ELOVL4: variants seen among roughly 807,000 people sequenced by gnomAD.
ELOVL4 encodes very long chain fatty acid elongase 4.
In ELOVL4, 18 loss-of-function variants were observed where a neutral mutation model predicts 42.1. That is an observed-to-expected ratio of 0.43 (90% CI 0.30 to 0.63). The LOEUF (loss-of-function observed/expected upper bound fraction) is 0.63. Among genes scored for constraint, ELOVL4 ranks in the 30% least tolerant of loss-of-function variants. The pLI is 0.15. For missense variants in ELOVL4, 299 were observed against 376.2 expected (o/e 0.79, Z 1.70); for synonymous variants, 117 against 127.0 (o/e 0.92, Z 0.53).
intron 1 of ELOVL4, among the ~76,000 whole-genome samples, chr6:79,928,269 A>C (rs1582049096): frequency 6.6e-6 from 1 of 152,168 alleles, no homozygotes; most frequent in South Asian, 2.1e-4. Flanking sequence ...TTATACAAAG[A>C]GCAAAAGTAC....
intron 1 of ELOVL4, among the ~76,000 whole-genome samples, chr6:79,931,721 G>C (rs1774448463): frequency 6.6e-6 from 1 of 152,038 alleles, no homozygotes; most frequent in Non-Finnish European, 1.5e-5. Flanking sequence ...AAGAGAAAGA[G>C]GCCTCAGCAA....
At chr6:79,938,545 T>G (rs752870154) in intron 1 of ELOVL4, among the ~76,000 whole-genome samples, 1 of 152,244 alleles carries the variant, frequency 6.6e-6, no homozygotes. Context: ...ATAATTCACT[T>G]TGAATACACT....
chr6:79,937,635 A>G (rs917490031), intron 1 of ELOVL4, among the ~76,000 whole-genome samples: 1 of 152,138 alleles, frequency 6.6e-6, no homozygotes, highest in Non-Finnish European at 1.5e-5. Flanking sequence ...CATCCAATAA[A>G]TGTTCACTAT....
intron 1 of ELOVL4, among the ~76,000 whole-genome samples, chr6:79,937,126 G>A (rs1253116007): frequency 1.3e-5 from 2 of 152,108 alleles, no homozygotes; most frequent in Non-Finnish European, 2.9e-5. Context: ...GTGAAAGAGG[G>A]GAAAGCTGCA....
intron 1 of ELOVL4, among the ~76,000 whole-genome samples, chr6:79,943,022 T>TG (rs1285616663): frequency 6.6e-6 from 1 of 151,918 alleles, no homozygotes; most frequent in East Asian, 1.9e-4. Flanking sequence ...TCTTTTTTTT[T>TG]TTTAATTAGC....
At chr6:79,926,883 A>AACC (rs560555511) in intron 1 of ELOVL4, among the ~76,000 whole-genome samples, 60 of 152,328 alleles carry the variant, frequency 3.9e-4, no homozygotes, top group Admixed American at 1.5e-3. Context: ...CACTGAAGAC[A>AACC]AGAGTACAGG....
intron 2 of ELOVL4, 89 bp downstream of exon 2, chr6:79,926,105 G>T: frequency 8.2e-7 from 1 of 1,214,508 alleles, no homozygotes; most frequent in Non-Finnish European, 1.2e-6. Context: ...TTATGTCTGG[G>T]TAAAATATTA....
chr6:79,916,978 A>G (rs761472352), intron 5 of ELOVL4, 95 bp from the exon 6 acceptor site: 95 of 1,482,576 alleles, frequency 6.4e-5, no homozygotes, highest in Non-Finnish European at 8.6e-5. Flanking sequence ...CACAGGCCCA[A>G]ATTTTGCCAC....
At chr6:79,938,429 A>C (rs1451744255) in intron 1 of ELOVL4, among the ~76,000 whole-genome samples, 1 of 152,068 alleles carries the variant, frequency 6.6e-6, no homozygotes, top group Admixed American at 6.5e-5. Flanking sequence ...CAGTTCTATA[A>C]GTTGAATAGC....
intron 1 of ELOVL4, among the ~76,000 whole-genome samples, chr6:79,928,820 G>A (rs1413494630): frequency 7.0e-6 from 1 of 142,024 alleles, no homozygotes; most frequent in Non-Finnish European, 1.5e-5. Flanking sequence ...GCTCACTGCA[G>A]CCTCCACCTC....
At chr6:79,922,673 T>C (rs1561984281) in intron 3 of ELOVL4, among the ~76,000 whole-genome samples, 1 of 152,220 alleles carries the variant, frequency 6.6e-6, no homozygotes, top group Non-Finnish European at 1.5e-5. Context: ...CTTTCATGTG[T>C]TAGGGCCCTG....
intron 1 of ELOVL4, among the ~76,000 whole-genome samples, chr6:79,946,815 T>C (rs1774750584): frequency 6.6e-6 from 1 of 152,132 alleles, no homozygotes; most frequent in Non-Finnish European, 1.5e-5. Flanking sequence ...AAAGGAATCC[T>C]GTGCACGGGG....
intron 1 of ELOVL4, among the ~76,000 whole-genome samples, chr6:79,927,870 A>C (rs1774370062): frequency 6.6e-6 from 1 of 152,206 alleles, no homozygotes; most frequent in Non-Finnish European, 1.5e-5. Context: ...AAACCAATAT[A>C]TTTGAACCAC....
chr6:79,916,785 G>T lies in ELOVL4; in HGVS notation c.768C>A (p.Ile256=), dbSNP rs746935830. The change falls in exon 6 of 6, where the codon ATC becomes ATA. Residue 256 remains isoleucine, a synonymous_variant. Coordinates refer to ENST00000369816, the MANE Select transcript of ELOVL4 (RefSeq NM_022726.4). ...WMHWALIAYA[I]SFIFLFLNFY... is the part of the protein sequence containing the mutation. ...AGTTAAGAAAGAGAAATATGAAGCT[G>T]ATTGCATAGGCAATTAGAGCCCAGT... The T allele has an allele frequency of 6.2e-7, 1 of 1,614,192 alleles. No homozygotes were observed. The highest frequency in any genetic ancestry group is 8.5e-7 in the Non-Finnish European group (1 of 1,180,042).
rs1774154481 is a variant in ELOVL4, at chr6:79,916,064, T to C, written c.*544A>G. The C allele has an allele frequency of 6.4e-6, 1 of 155,142 alleles. No individual in the cohort carries two copies. The highest frequency in any genetic ancestry group is 2.4e-5 in the African/African-American group (1 of 41,458). The allele number at this position is 155,142 out of a possible 1,614,324, so 9.6% of individuals were successfully genotyped here. On this transcript the variant is annotated 3_prime_UTR_variant, in exon 6 of 6. Coordinates refer to ENST00000369816, the MANE Select transcript of ELOVL4 (RefSeq NM_022726.4). ...GATCAGCAGATTTTAAAAATTTAAT[T>C]ACAACCAAAATTATACTCTGACTAG...
At chr6:79,920,706 G>T (rs75491827) in intron 4 of ELOVL4, among the ~76,000 whole-genome samples, 17 of 152,230 alleles carry the variant, frequency 1.1e-4, no homozygotes, top group African/African-American at 4.1e-4. Context: ...GATGTCACCC[G>T]TGTGGACATT....
intron 4 of ELOVL4, among the ~76,000 whole-genome samples, chr6:79,920,603 C>G (rs1315638154): frequency 6.6e-6 from 1 of 152,144 alleles, no homozygotes; most frequent in East Asian, 1.9e-4. Context: ...TCATATACAC[C>G]TTATACATGT....
chr6:79,921,374 T>C (rs1160012439), intron 4 of ELOVL4, among the ~76,000 whole-genome samples: 1 of 137,076 alleles, frequency 7.3e-6, no homozygotes, highest in Non-Finnish European at 1.5e-5. Context: ...GGCAGGAGAA[T>C]CGCTGGAACC....
At chr6:79,923,984 T>A (rs933064835) in intron 3 of ELOVL4, among the ~76,000 whole-genome samples, 2 of 151,720 alleles carry the variant, frequency 1.3e-5, no homozygotes, top group African/African-American at 4.8e-5. Flanking sequence ...ATATTATTAC[T>A]ACATATACTA....
Sources: allele counts gnomAD v4.1 joint callset (sites outside exome capture counted in the v4.1 genomes callset), GRCh38; gene constraint gnomAD v4.1.1; transcripts MANE v1.5; gene names NCBI Gene and HGNC (gene_info 2026-07-23, HGNC 2026-07-21).